TENM1: variants seen among roughly 807,000 people sequenced by gnomAD.
TENM1 encodes teneurin transmembrane protein 1.
In TENM1, 35 loss-of-function variants were observed where a neutral mutation model predicts 174.8. That is an observed-to-expected ratio of 0.20 (90% CI 0.15 to 0.27). TENM1 has a LOEUF of 0.27. Among genes scored for constraint, TENM1 ranks in the 10% least tolerant of loss-of-function variants. The probability of loss-of-function intolerance (pLI) is 1.00; values close to 1 mark genes in which losing one functional copy is unlikely to be tolerated. For missense variants in TENM1, 1,633 were observed against 2,130.1 expected, an observed-to-expected ratio of 0.77 and a Z score of 4.59; for synonymous variants, 781 against 798.7, an observed-to-expected ratio of 0.98 and a Z score of 0.37.
chrX:124,992,892 T>A, the TENM1 span, among the ~76,000 whole-genome samples: 1 of 111,742 alleles, frequency 8.9e-6, no homozygotes, highest in African/African-American at 3.2e-5. Flanking sequence ...TACATTTGTA[T>A]GCATTTTCTC....
At chrX:125,131,151 C>A in the TENM1 span, among the ~76,000 whole-genome samples, 2 of 112,154 alleles carry the variant, frequency 1.8e-5, no homozygotes, top group South Asian at 7.4e-4. Context: ...AAGAAACAAT[C>A]ACCTTGTTCT....
chrX:124,447,169 G>A (rs1266483024), intron 23 of TENM1, among the ~76,000 whole-genome samples: 1 of 111,642 alleles, frequency 9.0e-6, no homozygotes, highest in Non-Finnish European at 1.9e-5. Flanking sequence ...TCCCTGCTCA[G>A]CTTTCTTCTC....
intron 8 of TENM1, among the ~76,000 whole-genome samples, chrX:124,651,567 A>G (rs2051311095): frequency 8.9e-6 from 1 of 111,850 alleles, no homozygotes; most frequent in Admixed American, 9.5e-5. Flanking sequence ...AAATAACAGA[A>G]CTTAAATTAA....
chrX:124,435,520 A>G (rs1024687668), intron 23 of TENM1, among the ~76,000 whole-genome samples: 10 of 111,917 alleles, frequency 8.9e-5, no homozygotes, highest in Non-Finnish European at 1.1e-4. Flanking sequence ...ATGTTAAGCT[A>G]TAAGTGGGCT....
the TENM1 span, among the ~76,000 whole-genome samples, chrX:124,973,576 T>TC: frequency 9.0e-6 from 1 of 111,563 alleles, no homozygotes; most frequent in African/African-American, 3.3e-5. Context: ...CTCTCTTATT[T>TC]CCTTGAGCAG....
At chrX:124,826,065 T>A (rs1314442510) in intron 3 of TENM1, among the ~76,000 whole-genome samples, 2 of 111,482 alleles carry the variant, frequency 1.8e-5, no homozygotes, top group Non-Finnish European at 3.8e-5. Context: ...GCTCTACTGC[T>A]GAAATAATTT....
chrX:124,970,062 C>T, the TENM1 span, among the ~76,000 whole-genome samples: 1 of 111,892 alleles, frequency 8.9e-6, no homozygotes, highest in African/African-American at 3.3e-5. Context: ...TCTACTGTAG[C>T]ATAGCTGAAC....
intron 18 of TENM1, among the ~76,000 whole-genome samples, chrX:124,506,657 G>T (rs1215496474): frequency 9.0e-6 from 1 of 110,994 alleles, no homozygotes; most frequent in East Asian, 2.8e-4. Flanking sequence ...TTCGTATGTG[G>T]CTCCTTGCTC....
At chrX:124,408,828 C>T (rs1391593756) in intron 25 of TENM1, among the ~76,000 whole-genome samples, 3 of 55,234 alleles carry the variant, frequency 5.4e-5, no homozygotes, top group African/African-American at 1.6e-4. Context: ...CCTCCCCCCA[C>T]CCCACAACAG....
the TENM1 span, among the ~76,000 whole-genome samples, chrX:124,985,641 A>G: frequency 8.9e-6 from 1 of 112,132 alleles, no homozygotes; most frequent in African/African-American, 3.2e-5. Flanking sequence ...TTTATATAAT[A>G]TGTAACCTGT....
intron 3 of TENM1, among the ~76,000 whole-genome samples, chrX:124,827,092 C>T (rs2056179832): frequency 9.0e-6 from 1 of 111,556 alleles, no homozygotes; most frequent in South Asian, 3.8e-4. Flanking sequence ...GCTCTGTTGC[C>T]CAGGCTGGAG....
chrX:125,033,225 G>A, the TENM1 span, among the ~76,000 whole-genome samples: 1 of 111,569 alleles, frequency 9.0e-6, no homozygotes, highest in Non-Finnish European at 1.9e-5. Context: ...AGTTCAAAAG[G>A]AAGATGAGAT....
At chrX:124,424,251 C>A (rs1384045563) in intron 23 of TENM1, among the ~76,000 whole-genome samples, 1 of 112,544 alleles carries the variant, frequency 8.9e-6, no homozygotes, top group South Asian at 3.7e-4. Context: ...AAACTTAATC[C>A]TCAAATTCAT....
the TENM1 span, among the ~76,000 whole-genome samples, chrX:125,075,441 T>A: frequency 9.0e-6 from 1 of 111,669 alleles, no homozygotes. Flanking sequence ...AATAATACTA[T>A]TATGAACATT....
At chrX:124,384,050 G>C in exon 30 of TENM1, 4 of 1,211,513 alleles carry the variant, frequency 3.3e-6, no homozygotes, top group Non-Finnish European at 4.5e-6. Flanking sequence ...CTCCGAGCTT[G>C]TGTGGTTGTA....
chrX:124,769,367 T>C (rs772278725), intron 3 of TENM1, among the ~76,000 whole-genome samples: 44 of 111,753 alleles, frequency 3.9e-4, no homozygotes, highest in African/African-American at 1.4e-3. Context: ...TTTAATTGGA[T>C]TGTTCATCAA....
At chrX:125,156,458 T>C in the TENM1 span, among the ~76,000 whole-genome samples, 1 of 112,100 alleles carries the variant, frequency 8.9e-6, no homozygotes, top group African/African-American at 3.3e-5. Context: ...CTCCTCTGTG[T>C]CCATGTGTAT....
At chrX:124,902,235 G>A (rs2057676314) in intron 1 of TENM1, among the ~76,000 whole-genome samples, 1 of 111,863 alleles carries the variant, frequency 8.9e-6, no homozygotes, top group South Asian at 3.7e-4. Context: ...ATGAATCAAG[G>A]AGCCATTTAT....
In TENM1 at chrX:124,745,317, C is replaced by T. The variant is rs994286051; in HGVS notation, c.536-8120G>A. Among the ~76,000 whole-genome samples, 8 of 111,203 alleles carry T rather than the reference C, an allele frequency of 7.2e-5. No individual in the cohort carries two copies. The Admixed American group carries it at 7.7e-4, about 11-fold the overall frequency. On this transcript the variant is annotated intron_variant, in intron 3 of 31. Coordinates refer to ENST00000422452, the Ensembl canonical transcript of TENM1. ...AGCTAAACAAGTACATAGCCCTCAT[C>T]TGGGACAATGGGAAGAGATGTCACT...
Sources: gnomAD v4.1 joint callset for allele counts (sites outside exome capture counted in the v4.1 genomes callset) on GRCh38, gnomAD v4.1.1 for gene constraint, MANE v1.5 for transcripts, NCBI Gene and HGNC (gene_info 2026-07-23, HGNC 2026-07-21) for gene names.